The following POU6F2 variants were observed in gnomAD, a reference collection of about 807,000 sequenced individuals.
POU6F2 encodes the protein POU domain, class 6, transcription factor 2.
POU6F2 carries 31 observed loss-of-function variants against 71.3 expected under a neutral mutation model. The observed-to-expected ratio is 0.43, with a 90% CI of 0.33 to 0.59. The LOEUF is 0.59. Ranked by LOEUF, POU6F2 falls within the 20% of genes least tolerant of loss-of-function variation. The pLI is 0.04. For missense variants in POU6F2, 783 were observed against 856.8 expected (o/e 0.91, Z 1.07); for synonymous variants, 347 against 355.7 (o/e 0.98, Z 0.27).
intron 4 of POU6F2, among the ~76,000 whole-genome samples, chr7:39,316,490 T>A (rs1229259660): frequency 6.6e-6 from 1 of 152,122 alleles, no homozygotes; most frequent in Non-Finnish European, 1.5e-5. Flanking sequence ...CCCCCTGAGT[T>A]TTCACCCAGT....
At chr7:38,999,416 C>T (rs1788834989) in intron 1 of POU6F2, among the ~76,000 whole-genome samples, 1 of 152,144 alleles carries the variant, frequency 6.6e-6, no homozygotes, top group Non-Finnish European at 1.5e-5. Flanking sequence ...TTTTTATCGC[C>T]ATTCAGAACT....
intron 2 of POU6F2, among the ~76,000 whole-genome samples, chr7:39,110,557 C>G (rs1436107924): frequency 6.6e-6 from 1 of 151,740 alleles, no homozygotes; most frequent in Non-Finnish European, 1.5e-5. Context: ...TAGGCAAATG[C>G]CTTATTTATT....
Position 38,990,527 on chromosome 7 carries a change from A to T in POU6F2, c.105+12469A>T, listed in dbSNP as rs139464300. Reference sequence around the variant, plus strand: ...TTTACAAATGATTCAGCCATGCCAGACCTCATGGATATATGGTTAGAAAAC... The same window carrying T: ...TTTACAAATGATTCAGCCATGCCAGTCCTCATGGATATATGGTTAGAAAAC... On this transcript the variant is annotated intron_variant, in intron 1 of 9. Coordinates refer to ENST00000518318, the MANE Select transcript of POU6F2 (RefSeq NM_001370959.1). Among the ~76,000 whole-genome samples the T allele has an allele frequency of 2.2e-3, 339 of 152,282 alleles. 2 individuals are homozygous for T. Among genetic ancestry groups the T allele is most frequent in the African/African-American group, 7.8e-3 (323 of 41,564 alleles).
intron 2 of POU6F2, among the ~76,000 whole-genome samples, chr7:39,098,612 G>C (rs532037163): frequency 2.6e-5 from 4 of 152,256 alleles, no homozygotes; most frequent in African/African-American, 9.6e-5. Context: ...GTGCTTCAAG[G>C]CTCTGGAGTC....
intron 4 of POU6F2, among the ~76,000 whole-genome samples, chr7:39,280,000 C>T (rs1343533526): frequency 1.3e-5 from 2 of 152,028 alleles, no homozygotes; most frequent in African/African-American, 4.8e-5. Context: ...CTGCCTTGGC[C>T]TCCCAAAGTG....
intron 2 of POU6F2, among the ~76,000 whole-genome samples, chr7:39,116,846 G>T (rs1159698627): frequency 2.0e-5 from 3 of 151,922 alleles, no homozygotes; most frequent in Admixed American, 2.0e-4. Context: ...CACTTCCCAA[G>T]AGTAAAATTG....
chr7:39,153,140 A>G (rs1029105167), intron 2 of POU6F2, among the ~76,000 whole-genome samples: 2 of 152,232 alleles, frequency 1.3e-5, no homozygotes, highest in East Asian at 3.9e-4. Context: ...GTTTGGGGAG[A>G]CTTAGTGTCA....
chr7:39,258,552 C>A (rs1784069190), intron 4 of POU6F2, among the ~76,000 whole-genome samples: 1 of 152,164 alleles, frequency 6.6e-6, no homozygotes, highest in South Asian at 2.1e-4. Context: ...CCATAGAGAT[C>A]CTTCTGTTGT....
At chr7:39,358,104 G>A (rs1005737171) in intron 5 of POU6F2, among the ~76,000 whole-genome samples, 2 of 152,196 alleles carry the variant, frequency 1.3e-5, no homozygotes, top group Non-Finnish European at 2.9e-5. Context: ...ACATTTATGA[G>A]ACAATTGGAA....
intron 1 of POU6F2, among the ~76,000 whole-genome samples, chr7:39,043,761 A>G (rs1184238445): frequency 6.6e-6 from 1 of 151,942 alleles, no homozygotes; most frequent in East Asian, 1.9e-4. Flanking sequence ...AACAGATGTT[A>G]CCTGGCATGG....
At chr7:39,217,059 G>A (rs1358585544) in intron 4 of POU6F2, among the ~76,000 whole-genome samples, 4 of 151,996 alleles carry the variant, frequency 2.6e-5, no homozygotes, top group Non-Finnish European at 5.9e-5. Context: ...TTTGAAATCC[G>A]AATACTTTCT....
chr7:39,185,545 C>G (rs529535197), intron 2 of POU6F2, among the ~76,000 whole-genome samples: 2 of 152,124 alleles, frequency 1.3e-5, no homozygotes, highest in African/African-American at 2.4e-5. Flanking sequence ...TCCCAAATAT[C>G]TTCTCTTGAT....
At chr7:39,217,733 A>G (rs907967770) in intron 4 of POU6F2, among the ~76,000 whole-genome samples, 8 of 152,288 alleles carry the variant, frequency 5.3e-5, no homozygotes, top group East Asian at 3.9e-4. Flanking sequence ...AGTAGTTGCA[A>G]TGTGTCTTAC....
chr7:39,130,443 C>T (rs1260542154), intron 2 of POU6F2, among the ~76,000 whole-genome samples: 1 of 152,170 alleles, frequency 6.6e-6, no homozygotes, highest in African/African-American at 2.4e-5. Flanking sequence ...AGCATCATAG[C>T]TGCAAAAAAT....
At chr7:39,088,003 A>G (rs1791289952) in intron 2 of POU6F2, among the ~76,000 whole-genome samples, 1 of 152,236 alleles carries the variant, frequency 6.6e-6, no homozygotes, top group Non-Finnish European at 1.5e-5. Flanking sequence ...TGTTAAAATC[A>G]TAATGGATTT....
At chr7:39,389,802 T>C (rs1386049037) in intron 5 of POU6F2, among the ~76,000 whole-genome samples, 1 of 152,158 alleles carries the variant, frequency 6.6e-6, no homozygotes, top group African/African-American at 2.4e-5. Context: ...TGAAAAGTAT[T>C]ACTCCCAAGC....
chr7:39,148,501 T>C (rs998454374), intron 2 of POU6F2, among the ~76,000 whole-genome samples: 25 of 151,890 alleles, frequency 1.6e-4, no homozygotes, highest in African/African-American at 6.1e-4. Context: ...AGAGGAATAG[T>C]GTTAACTATG....
chr7:39,213,033 G>A (rs1256421584), intron 4 of POU6F2, among the ~76,000 whole-genome samples: 1 of 152,214 alleles, frequency 6.6e-6, no homozygotes, highest in Admixed American at 6.5e-5. Flanking sequence ...TGTTCTCACA[G>A]CACAGGCCAG....
rs546973086 is a variant in POU6F2, at chr7:39,450,510, G to A, written c.1321-1023G>A. On this transcript the variant is annotated intron_variant, in intron 7 of 9. Coordinates refer to ENST00000518318, the MANE Select transcript of POU6F2 (RefSeq NM_001370959.1). Reference sequence around the variant, plus strand: ...AGAGACATCCTTCCTGGGCCTCCAAGTAGACCTAGAACCTGCAAGCATTTC... The same window carrying A: ...AGAGACATCCTTCCTGGGCCTCCAAATAGACCTAGAACCTGCAAGCATTTC... 4.6e-5 allele frequency among the ~76,000 whole-genome samples: 7 copies of A among 152,180 alleles called. No homozygotes were observed. The South Asian group carries it at 8.3e-4, about 18-fold the overall frequency.
Sources: gnomAD v4.1 joint callset for allele counts (sites outside exome capture counted in the v4.1 genomes callset) on GRCh38, gnomAD v4.1.1 for gene constraint, MANE v1.5 for transcripts, NCBI Gene and HGNC (gene_info 2026-07-23, HGNC 2026-07-21) for gene names.